Variants in MPP7 observed in about 807,000 individuals in gnomAD.
MPP7 encodes MAGUK p55 subfamily member 7.
MPP7 carries 60 observed loss-of-function variants against 76.5 expected under a neutral mutation model. That is an observed-to-expected ratio of 0.78 (90% CI 0.64 to 0.97). The LOEUF (loss-of-function observed/expected upper bound fraction) is 0.97. Ranked by LOEUF, MPP7 falls within the 50% of genes least tolerant of loss-of-function variation. MPP7 has a pLI of 0.00. For synonymous variants in MPP7, 237 were observed against 244.5 expected (o/e 0.97, Z 0.29); for missense variants, 641 against 694.0 (o/e 0.92, Z 0.86).
intron 3 of MPP7, among the ~76,000 whole-genome samples, chr10:28,185,793 TGTG>T (rs1211082167): frequency 1.3e-5 from 2 of 152,212 alleles, no homozygotes; most frequent in Non-Finnish European, 2.9e-5. Context: ...TATAATTAAA[TGTG>T]GTGGTGAATA....
At chr10:28,297,271 C>G (rs1057294303) in intron 1 of MPP7, among the ~76,000 whole-genome samples, 25 of 152,138 alleles carry the variant, frequency 1.6e-4, no homozygotes, top group African/African-American at 6.0e-4. Flanking sequence ...TTTTAAAATG[C>G]TAGTGATCAT....
chr10:28,064,644 A>G (rs919949756), intron 13 of MPP7, among the ~76,000 whole-genome samples: 2 of 152,238 alleles, frequency 1.3e-5, no homozygotes, highest in African/African-American at 4.8e-5. Context: ...GGAAAATGTA[A>G]CTTAATAGAA....
At chr10:28,233,473 C>A (rs1321846042) in intron 2 of MPP7, among the ~76,000 whole-genome samples, 1 of 148,510 alleles carries the variant, frequency 6.7e-6, no homozygotes, top group African/African-American at 2.5e-5. Context: ...TTTGGGAGGC[C>A]GAGGCAGGCG....
In MPP7 at chr10:28,223,816, T is replaced by C. The variant is rs544542136; in HGVS notation, c.37+14752A>G. Among the ~76,000 whole-genome samples, 3 of 151,548 alleles carry C rather than the reference T, an allele frequency of 2.0e-5. No homozygotes were observed. In the South Asian group the frequency reaches 6.3e-4, roughly 32 times the overall value. The stretch of plus-strand genomic sequence containing the variant: ...CTGAAATGTATAATATTAGGCTTCA[T>C]TCCAACATCTCTTCCCACCTAACAC... On this transcript the variant is annotated intron_variant, in intron 2 of 16. Coordinates refer to ENST00000683449, the MANE Select transcript of MPP7 (RefSeq NM_001318170.2).
intron 5 of MPP7, among the ~76,000 whole-genome samples, chr10:28,142,823 T>C (rs529897144): frequency 6.6e-6 from 1 of 152,318 alleles, no homozygotes; most frequent in South Asian, 2.1e-4. Flanking sequence ...TCTCATGCAC[T>C]ATACTGCAGG....
At position 28,277,885 on chromosome 10, in the gene MPP7, A is replaced by C. The variant is rs113005655; in HGVS notation, c.-132+24976T>G. ...GTCCACGGTTCCAAATCTTAGATAC[A>C]AAAAGAATAATGGTACCCTAAACAG... is the stretch of plus-strand genomic sequence containing the variant. On this transcript the variant is annotated intron_variant, in intron 1 of 16. Coordinates refer to ENST00000683449, the MANE Select transcript of MPP7 (RefSeq NM_001318170.2). 5.0e-4 allele frequency among the ~76,000 whole-genome samples: 76 copies of C among 152,158 alleles called. 1 individual carries two copies. Among genetic ancestry groups the C allele is most frequent in the African/African-American group, 1.8e-3 (74 of 41,418 alleles).
At chr10:28,139,314 T>C (rs1477151026) in intron 5 of MPP7, among the ~76,000 whole-genome samples, 1 of 152,228 alleles carries the variant, frequency 6.6e-6, no homozygotes, top group Non-Finnish European at 1.5e-5. Context: ...GGGGCATGAA[T>C]GCCCTCAGCA....
At chr10:28,302,820 C>T (rs1026573824) in intron 1 of MPP7, among the ~76,000 whole-genome samples, 41 bp downstream of exon 1, 1 of 152,136 alleles carries the variant, frequency 6.6e-6, no homozygotes, top group Non-Finnish European at 1.5e-5. Flanking sequence ...CCGAGCCTAG[C>T]CCTGGGCTCC....
intron 2 of MPP7, among the ~76,000 whole-genome samples, chr10:28,228,343 A>G (rs761644754): frequency 6.6e-6 from 1 of 152,214 alleles, no homozygotes; most frequent in Non-Finnish European, 1.5e-5. Flanking sequence ...CAGTAATTTG[A>G]ATCTATCACT....
At chr10:28,133,487 A>G (rs1041325460) in intron 5 of MPP7, among the ~76,000 whole-genome samples, 1 of 152,144 alleles carries the variant, frequency 6.6e-6, no homozygotes, top group Non-Finnish European at 1.5e-5. Context: ...GCCTTCATAC[A>G]TGTCCATAAT....
intron 5 of MPP7, among the ~76,000 whole-genome samples, chr10:28,133,932 T>A (rs1047661472): frequency 6.6e-6 from 1 of 152,188 alleles, no homozygotes; most frequent in Non-Finnish European, 1.5e-5. Flanking sequence ...CATATAAATA[T>A]GTTGCAATTT....
In MPP7 at chr10:28,052,271, A is replaced by G. The variant is rs1313305809; in HGVS notation, c.*1794T>C. 2 of 152,256 alleles carry G rather than the reference A, an allele frequency of 1.3e-5. No individual in the cohort carries two copies. The highest frequency in any genetic ancestry group is 2.9e-5 in the Non-Finnish European group (2 of 68,042). 9.4% of individuals were successfully genotyped at this position (152,256 alleles called of 1,614,324 possible). On this transcript the variant is annotated 3_prime_UTR_variant, in exon 17 of 17. Transcript: ENST00000683449. ...TTTCAGACAATGTTCAAAGAAGGAA[A>G]TATGCTACCCAAACAATCTACTTAA...
At chr10:28,248,632 C>T (rs779271887) in intron 1 of MPP7, among the ~76,000 whole-genome samples, 1 of 152,188 alleles carries the variant, frequency 6.6e-6, no homozygotes, top group Non-Finnish European at 1.5e-5. Flanking sequence ...ACAGTCAATG[C>T]GATGCAGGGC....
Position 28,327,984 on chromosome 10 carries a change from T to C in MPP7, c.-132+1945A>G, listed in dbSNP as rs112265519. On this transcript the variant is annotated intron_variant, in intron 2 of 11. Transcript: ENST00000441595. ...TGTATCTTTCAGTTGCTGAAATTGA[T>C]GCAGGCTTCTGTCTCCATCCAATCA... 9.4e-3 allele frequency among the ~76,000 whole-genome samples: 1,427 copies of C among 152,316 alleles called. 13 individuals are homozygous for C. The highest frequency in any genetic ancestry group is 0.015 in the Non-Finnish European group (1,044 of 68,026).
At chr10:28,236,667 A>C (rs1370839485) in intron 2 of MPP7, 1 of 152,152 alleles carries the variant, frequency 6.6e-6, no homozygotes, top group African/African-American at 2.4e-5. Context: ...GGGAAAGAAG[A>C]AGTGGTAAAA....
In MPP7 at chr10:28,069,806, G is replaced by T; in HGVS notation, c.1170C>A (p.Ile390=). 1 of 1,614,000 alleles carries T rather than the reference G, an allele frequency of 6.2e-7. No homozygotes were observed. The highest frequency in any genetic ancestry group is 8.5e-7 in the Non-Finnish European group (1 of 1,179,968). ...GLNELKRKLL[I]SDTQHYGVTV... ...TCACGCCATAGTGCTGGGTGTCACTGATCAGCAGCTTTCGTTTCAGTTCAT... is the reference window on the plus strand; with the variant it reads ...TCACGCCATAGTGCTGGGTGTCACTTATCAGCAGCTTTCGTTTCAGTTCAT... The change falls in exon 13 of 17, where the codon ATC becomes ATA. Residue 390 remains isoleucine (I), a synonymous_variant. Coordinates refer to ENST00000683449, the MANE Select transcript of MPP7 (RefSeq NM_001318170.2).
chr10:28,238,970 T>A (rs1207637677), intron 1 of MPP7, among the ~76,000 whole-genome samples: 1 of 141,766 alleles, frequency 7.1e-6, no homozygotes, highest in Non-Finnish European at 1.5e-5. Context: ...TCCTTAAAGA[T>A]TTTTACATTT....
chr10:28,085,977 A>G (rs1397698034), intron 12 of MPP7, among the ~76,000 whole-genome samples: 2 of 152,238 alleles, frequency 1.3e-5, no homozygotes, highest in African/African-American at 2.4e-5. Flanking sequence ...GGATGAGTTC[A>G]TGTCCTTTGC....
chr10:28,108,547 C>T (rs1462283107), intron 11 of MPP7, among the ~76,000 whole-genome samples: 3 of 152,094 alleles, frequency 2.0e-5, no homozygotes, highest in South Asian at 2.1e-4. Context: ...GTCCAAGCTA[C>T]TTGCGAGGCT....
Sources: allele counts gnomAD v4.1 joint callset (sites outside exome capture counted in the v4.1 genomes callset), GRCh38; gene constraint gnomAD v4.1.1; transcripts MANE v1.5; gene names NCBI Gene and HGNC (gene_info 2026-07-23, HGNC 2026-07-21).